The following URB1 variants were observed in gnomAD, a reference collection of about 807,000 sequenced individuals.
URB1 encodes URB1 ribosome biogenesis factor, also known as nucleolar pre-ribosomal-associated protein 1.
Under a neutral mutation model 242.3 loss-of-function variants are expected in URB1, and 197 were observed. That is an observed-to-expected ratio of 0.81 (90% CI 0.72 to 0.91). URB1 has a LOEUF of 0.91. Among genes scored for constraint, URB1 ranks in the 40% least tolerant of loss-of-function variants. The pLI is 0.00. For synonymous variants in URB1, 1,153 were observed against 1,201.8 expected (o/e 0.96, Z 0.84); for missense variants, 2,721 against 2,860.5 (o/e 0.95, Z 1.11).
rs1311424826 is a variant in URB1 at position 32,324,524 on chromosome 21, T to C, written c.5200A>G (p.Ile1734Val). Residue 1734 changes from isoleucine (I) to valine (V), a missense_variant, in exon 32 of 39, where the codon ATT (isoleucine) becomes GTT (valine). Transcript: ENST00000382751. ...MRLTFTLALF[I>V]AKAALQILKP... ...AAAATCTGCAGGGCTGCTTTGGCAA[T>C]GAAGAGAGCCAAGGTAAAAGTAAGT... 13 of 1,551,944 alleles carry C rather than the reference T, an allele frequency of 8.4e-6. No individual in the cohort carries two copies. The highest frequency in any genetic ancestry group is 1.7e-6 in the Non-Finnish European group (2 of 1,147,040).
chr21:32,341,419 C>T lies in URB1; in HGVS notation c.4316+47G>A, dbSNP rs1177059603. 4 of 1,533,496 alleles carry T rather than the reference C, an allele frequency of 2.6e-6. No homozygotes were observed. In the South Asian group the frequency reaches 4.8e-5, roughly 18 times the overall value. 95.0% of individuals were successfully genotyped at this position (1,533,496 alleles called of 1,614,324 possible). A position where few individuals can be genotyped will look rare whatever the true frequency, so the allele number is the denominator to read the frequency against. ...AAAAGAGGCTTTGCATGCTGAACGA[C>T]ATTCACACCTTTACCGAAGGGCACC... is the stretch of plus-strand genomic sequence containing the variant. On this transcript the variant is annotated intron_variant, in intron 25 of 38. Transcript: ENST00000382751.
At chr21:32,363,781 C>T (rs577476576) in intron 10 of URB1, among the ~76,000 whole-genome samples, 1 of 152,222 alleles carries the variant, frequency 6.6e-6, no homozygotes, top group East Asian at 1.9e-4. Flanking sequence ...CCCGCCTCAT[C>T]CTCCCAAGTA....
At chr21:32,359,037 G>A (rs1312232279) in intron 14 of URB1, among the ~76,000 whole-genome samples, 1 of 152,174 alleles carries the variant, frequency 6.6e-6, no homozygotes, top group Admixed American at 6.5e-5. Context: ...GGGACTCGAG[G>A]GAGAGACACA....
intron 15 of URB1, among the ~76,000 whole-genome samples, chr21:32,356,698 C>T (rs530809792): frequency 2.0e-5 from 3 of 152,256 alleles, no homozygotes; most frequent in Non-Finnish European, 2.9e-5. Context: ...GCAGAAGTGA[C>T]GAAATGATTT....
chr21:32,343,136 C>T (rs946412769), intron 24 of URB1, among the ~76,000 whole-genome samples: 2 of 151,980 alleles, frequency 1.3e-5, no homozygotes, highest in African/African-American at 4.8e-5. Context: ...AAGGTTTCTA[C>T]AGGGAAATTC....
chr21:32,335,669 C>T (rs2032949311), intron 28 of URB1: 1 of 152,560 alleles, frequency 6.6e-6, no homozygotes, highest in East Asian at 1.9e-4. Flanking sequence ...ACCCCAGTTT[C>T]TGGCAGGCAG....
intron 1 of URB1, among the ~76,000 whole-genome samples, chr21:32,392,487 G>A (rs1181313633): frequency 1.3e-5 from 2 of 152,152 alleles, no homozygotes; most frequent in African/African-American, 2.4e-5. Context: ...CTGCAATAAA[G>A]AGGTTTTAGA....
At chr21:32,380,983 C>T (rs1440499065) in intron 4 of URB1, among the ~76,000 whole-genome samples, 1 of 152,230 alleles carries the variant, frequency 6.6e-6, no homozygotes. Flanking sequence ...TTATCACCTC[C>T]TGGCTTCCAT....
At chr21:32,348,125 C>T (rs2033115228) in intron 21 of URB1, among the ~76,000 whole-genome samples, 2 of 152,172 alleles carry the variant, frequency 1.3e-5, no homozygotes, top group Admixed American at 6.5e-5. Context: ...AGAACCCAGC[C>T]TGGGTGAATT....
chr21:32,363,417 C>A, intron 10 of URB1, 88 bp from the exon 11 acceptor site: 1 of 1,441,846 alleles, frequency 6.9e-7, no homozygotes. Context: ...TGCCCCTCCT[C>A]AGGTCACTCA....
In URB1 at chr21:32,311,627, G is replaced by A; in HGVS notation, c.*3291C>T. The A allele has an allele frequency of 1.3e-6, 2 of 1,593,678 alleles. No individual in the cohort carries two copies. Among genetic ancestry groups the A allele is most frequent in the Non-Finnish European group, 1.7e-6 (2 of 1,170,552 alleles). On this transcript the variant is annotated 3_prime_UTR_variant, in exon 39 of 39. Transcript: ENST00000382751. ...TGGCAGGAAACCCCCCAGCCCCACA[G>A]TATGGACTGTTCTGCAGCAACTATG...
chr21:32,378,354 C>T, intron 5 of URB1, 91 bp downstream of exon 5: 1 of 1,212,154 alleles, frequency 8.2e-7, no homozygotes, highest in Non-Finnish European at 1.2e-6. Flanking sequence ...ACTGCAAAGG[C>T]TGCAGACTTT....
At chr21:32,359,931 C>G (rs2033265062) in intron 13 of URB1, 23 bp from the exon 14 acceptor site, 2 of 1,545,824 alleles carry the variant, frequency 1.3e-6, no homozygotes, top group Non-Finnish European at 1.7e-6. Context: ...AAGAGGCAGG[C>G]TGAAAAAAGT....
At position 32,334,250 on chromosome 21, in the gene URB1, G is replaced by C; in HGVS notation, c.4770C>G (p.Val1590=). Residue 1590 remains valine (V), a synonymous_variant, in exon 29 of 39, where the codon GTC becomes GTG. Coordinates refer to ENST00000382751, the MANE Select transcript of URB1 (RefSeq NM_014825.3). ...GGTCCAGCAGGCGAAGGATGTCCCCGACACTCGGCTGCTGCCACAGTGACC... is the reference window on the plus strand; with the variant it reads ...GGTCCAGCAGGCGAAGGATGTCCCCCACACTCGGCTGCTGCCACAGTGACC... ...LGRSLWQQPS[V]GDILRLLDRD... is the part of the protein sequence containing the mutation. The C allele has an allele frequency of 6.4e-7, 1 of 1,551,552 alleles. No individual in the cohort carries two copies. Among genetic ancestry groups the C allele is most frequent in the Non-Finnish European group, 8.7e-7 (1 of 1,146,958 alleles).
chr21:32,390,939 T>C (rs999600200), intron 1 of URB1, among the ~76,000 whole-genome samples: 37 of 152,260 alleles, frequency 2.4e-4, no homozygotes, highest in African/African-American at 8.7e-4. Flanking sequence ...GTGGCACTAT[T>C]CACAATAGCA....
chr21:32,392,719 C>A, intron 1 of URB1, 50 bp downstream of exon 1: 1 of 1,368,620 alleles, frequency 7.3e-7, no homozygotes. Context: ...ACACGGAGGC[C>A]GCCTCGCCAG....
At chr21:32,384,729 C>T (rs949413246) in intron 2 of URB1, among the ~76,000 whole-genome samples, 2 of 152,202 alleles carry the variant, frequency 1.3e-5, no homozygotes, top group Non-Finnish European at 2.9e-5. Context: ...CGCCTGTAAT[C>T]CCAGCACTTT....
intron 4 of URB1, among the ~76,000 whole-genome samples, chr21:32,380,932 G>T (rs985872625): frequency 6.6e-6 from 1 of 152,100 alleles, no homozygotes; most frequent in Non-Finnish European, 1.5e-5. Flanking sequence ...ACCTCCTGTG[G>T]GTCCCTCCAG....
intron 30 of URB1, among the ~76,000 whole-genome samples, chr21:32,326,813 T>C (rs1245776030): frequency 6.6e-6 from 1 of 152,202 alleles, no homozygotes; most frequent in Non-Finnish European, 1.5e-5. Context: ...ATTAAACCTC[T>C]TTTCTTGATC....
Sources: allele counts gnomAD v4.1 joint callset (sites outside exome capture counted in the v4.1 genomes callset), GRCh38; gene constraint gnomAD v4.1.1; transcripts MANE v1.5; gene names NCBI Gene and HGNC (gene_info 2026-07-23, HGNC 2026-07-21).